The following LTBP1 variants were observed in gnomAD, a reference collection of about 807,000 sequenced individuals.
LTBP1 encodes the protein latent transforming growth factor beta binding protein 1.
Under a neutral mutation model 207.6 loss-of-function variants are expected in LTBP1, and 129 were observed. The observed-to-expected ratio is 0.62, with a 90% CI of 0.54 to 0.72. LTBP1 has a LOEUF of 0.72. Ranked by LOEUF, LTBP1 falls within the 30% of genes least tolerant of loss-of-function variation. The pLI, the probability that LTBP1 is intolerant of heterozygous loss-of-function variation, is 0.00. For synonymous variants in LTBP1, 963 were observed against 833.7 expected (o/e 1.16, Z -2.67); for missense variants, 2,281 against 2,217.2 (o/e 1.03, Z -0.58).
At chr2:33,110,393 GAGCGTA>G (rs1257883976) in intron 3 of LTBP1, among the ~76,000 whole-genome samples, 183 bp from the exon 4 acceptor site, 6 of 152,166 alleles carry the variant, frequency 3.9e-5, no homozygotes, top group Non-Finnish European at 7.3e-5. Flanking sequence ...GGACGCTTCT[GAGCGTA>G]AGCCATCATT....
intron 31 of LTBP1, among the ~76,000 whole-genome samples, chr2:33,372,240 C>A (rs950954213): frequency 6.6e-6 from 1 of 152,194 alleles, no homozygotes; most frequent in African/African-American, 2.4e-5. Flanking sequence ...CAGTGTTACT[C>A]GAGTCTCTTT....
chr2:33,174,442 C>G (rs1309622652), intron 5 of LTBP1, among the ~76,000 whole-genome samples: 1 of 152,134 alleles, frequency 6.6e-6, no homozygotes, highest in Non-Finnish European at 1.5e-5. Flanking sequence ...AGGAATCCAA[C>G]TTACAAGGGA....
intron 2 of LTBP1, among the ~76,000 whole-genome samples, chr2:32,999,302 G>C (rs531615921): frequency 6.6e-6 from 1 of 152,296 alleles, no homozygotes; most frequent in South Asian, 2.1e-4. Flanking sequence ...TTTCCGGGAT[G>C]TGCATTTTAA....
intron 31 of LTBP1, among the ~76,000 whole-genome samples, chr2:33,369,871 G>T (rs1298904771): frequency 6.6e-6 from 1 of 152,118 alleles, no homozygotes; most frequent in East Asian, 1.9e-4. Context: ...CCCTTCATTG[G>T]CACCTAATCA....
chr2:32,952,417 C>G (rs143411633), intron 2 of LTBP1, among the ~76,000 whole-genome samples: 2 of 152,122 alleles, frequency 1.3e-5, no homozygotes, highest in Non-Finnish European at 2.9e-5. Context: ...TATGTGGATC[C>G]CTAGGAATCG....
rs139316063 is a variant in LTBP1, at chr2:33,300,126, C to T, written c.3236-325C>T. On this transcript the variant is annotated intron_variant, in intron 20 of 33. Transcript: ENST00000404816. Reference sequence around the variant, plus strand: ...TAAACAGGTCTGCAAACTATCTGAGCGACATTATATTGCATCAGGTTCTGC... The same window carrying T: ...TAAACAGGTCTGCAAACTATCTGAGTGACATTATATTGCATCAGGTTCTGC... 3.3e-5 allele frequency among the ~76,000 whole-genome samples: 5 copies of T among 152,224 alleles called. No individual in the cohort carries two copies. The East Asian group carries it at 7.7e-4, about 23-fold the overall frequency.
chr2:33,289,573 C>T (rs1218948064), intron 19 of LTBP1, among the ~76,000 whole-genome samples: 1 of 152,064 alleles, frequency 6.6e-6, no homozygotes, highest in African/African-American at 2.4e-5. Context: ...GCTGTGGTGG[C>T]CAGACTGGTC....
chr2:33,020,852 A>G, intron 2 of LTBP1, 57 bp from the exon 3 acceptor site: 1 of 1,483,686 alleles, frequency 6.7e-7, no homozygotes, highest in South Asian at 1.4e-5. Flanking sequence ...CTTTGGAAAA[A>G]TTAGGAAGTC....
intron 5 of LTBP1, among the ~76,000 whole-genome samples, chr2:33,172,812 C>A (rs1169703279): frequency 1.3e-5 from 2 of 152,126 alleles, no homozygotes; most frequent in Non-Finnish European, 2.9e-5. Flanking sequence ...GTCTCTCAGA[C>A]CACAGTGCAA....
At chr2:33,265,078 G>A (rs1487922502) in intron 15 of LTBP1, among the ~76,000 whole-genome samples, 25 of 152,154 alleles carry the variant, frequency 1.6e-4, no homozygotes, top group Admixed American at 1.5e-3. Flanking sequence ...TGTTGTGTTT[G>A]AGCCCAGCAC....
chr2:32,949,586 A>G (rs918984691), intron 2 of LTBP1, among the ~76,000 whole-genome samples: 7 of 152,238 alleles, frequency 4.6e-5, no homozygotes, highest in Non-Finnish European at 8.8e-5. Context: ...TTTTTCTCCT[A>G]TGCATTGTGA....
At chr2:33,050,415 C>T (rs191320943) in intron 3 of LTBP1, among the ~76,000 whole-genome samples, 5 of 152,086 alleles carry the variant, frequency 3.3e-5, no homozygotes, top group East Asian at 1.9e-4. Flanking sequence ...AAAGTAGGAT[C>T]GGAATCTTTC....
At chr2:33,262,208 A>G (rs2093032834) in intron 13 of LTBP1, among the ~76,000 whole-genome samples, 1 of 152,214 alleles carries the variant, frequency 6.6e-6, no homozygotes, top group Non-Finnish European at 1.5e-5. Flanking sequence ...AAGTTATCAG[A>G]CGTGAGGTTA....
intron 3 of LTBP1, among the ~76,000 whole-genome samples, chr2:33,064,263 T>C (rs2077399389): frequency 6.6e-6 from 1 of 152,232 alleles, no homozygotes; most frequent in African/African-American, 2.4e-5. Context: ...CCTTGCAGCC[T>C]CCAAAATTTC....
intron 24 of LTBP1, among the ~76,000 whole-genome samples, chr2:33,339,136 A>G (rs1050329344): frequency 5.3e-5 from 8 of 152,098 alleles, no homozygotes; most frequent in African/African-American, 1.9e-4. Context: ...AGGGAAGGAC[A>G]GAGAATAGGA....
At chr2:33,158,524 G>A (rs549558311) in intron 5 of LTBP1, among the ~76,000 whole-genome samples, 1 of 152,262 alleles carries the variant, frequency 6.6e-6, no homozygotes, top group East Asian at 1.9e-4. Flanking sequence ...AAGCCAAATA[G>A]GGGTGACTTA....
At chr2:33,303,674 A>C (rs2094033488) in intron 22 of LTBP1, among the ~76,000 whole-genome samples, 1 of 151,992 alleles carries the variant, frequency 6.6e-6, no homozygotes, top group Non-Finnish European at 1.5e-5. Context: ...TCTCATAAGG[A>C]GCGTGCAACC....
chr2:33,255,255 A>G (rs2092817757), intron 11 of LTBP1, among the ~76,000 whole-genome samples: 1 of 151,908 alleles, frequency 6.6e-6, no homozygotes, highest in Non-Finnish European at 1.5e-5. Flanking sequence ...AAGGACATGA[A>G]CTCATCATTT....
At chr2:33,266,926 AG>A (rs1400707745) in intron 15 of LTBP1, among the ~76,000 whole-genome samples, 1 of 152,162 alleles carries the variant, frequency 6.6e-6, no homozygotes, top group African/African-American at 2.4e-5. Context: ...CACCATGTTG[AG>A]GGTGCCGAGA....
Sources: allele counts gnomAD v4.1 joint callset (sites outside exome capture counted in the v4.1 genomes callset), GRCh38; gene constraint gnomAD v4.1.1; transcripts MANE v1.5; gene names NCBI Gene and HGNC (gene_info 2026-07-23, HGNC 2026-07-21).